The following SLIT3 variants were observed in gnomAD, a reference collection of about 807,000 sequenced individuals.
SLIT3 encodes the protein slit homolog 3 protein.
SLIT3 carries 68 observed loss-of-function variants against 184.0 expected under a neutral mutation model. The ratio of observed to expected loss-of-function variants is 0.37; its 90% CI spans 0.30 to 0.45. SLIT3 has a LOEUF of 0.45. Ranked by LOEUF, SLIT3 falls within the 20% of genes least tolerant of loss-of-function variation. The probability of loss-of-function intolerance (pLI) is 1.00; values close to 1 mark genes in which losing one functional copy is unlikely to be tolerated. For synonymous variants in SLIT3, 831 were observed against 828.6 expected (o/e 1.00, Z -0.05); for missense variants, 1,707 against 2,026.0 (o/e 0.84, Z 3.02).
chr5:169,238,997 T>C (rs1443779060), intron 3 of SLIT3, among the ~76,000 whole-genome samples: 1 of 152,174 alleles, frequency 6.6e-6, no homozygotes, highest in Non-Finnish European at 1.5e-5. Flanking sequence ...TTCCCTCTGC[T>C]TTCTCCCACA....
chr5:168,753,062 A>G lies in SLIT3; in HGVS notation c.1866T>C (p.Asn622=), dbSNP rs1223254867. ...LRSNLIGCVS[N]DTFAGLSSVR... is the part of the protein sequence containing the mutation. ...CCGAACTCAGGCCGGCAAAGGTGTC[A>G]TTACTCACACAGCCGATCAAGTTAC... Residue 622 remains asparagine (N), a synonymous_variant, in exon 18 of 36, where the codon AAT becomes AAC. Coordinates refer to ENST00000519560, the MANE Select transcript of SLIT3 (RefSeq NM_003062.4). The G allele has an allele frequency of 1.9e-6, 3 of 1,614,108 alleles. No individual in the cohort carries two copies. In the Admixed American group the frequency reaches 5.0e-5, roughly 27 times the overall value.
chr5:168,684,734 C>T (rs746768752), intron 31 of SLIT3, among the ~76,000 whole-genome samples: 9 of 151,988 alleles, frequency 5.9e-5, no homozygotes, highest in East Asian at 5.8e-4. Context: ...CCTCCCAAAG[C>T]GCTGGGCTTA....
intron 4 of SLIT3, among the ~76,000 whole-genome samples, chr5:168,960,981 T>A (rs1762984751): frequency 2.0e-5 from 3 of 152,246 alleles, no homozygotes; most frequent in African/African-American, 7.2e-5. Flanking sequence ...ACTGTAAAGA[T>A]GGCTAGTAAT....
At chr5:169,207,055 T>TG (rs1764094604) in intron 3 of SLIT3, among the ~76,000 whole-genome samples, 1 of 151,742 alleles carries the variant, frequency 6.6e-6, no homozygotes, top group Non-Finnish European at 1.5e-5. Context: ...CTTTTTTTTT[T>TG]TTTAATGCTT....
At chr5:168,783,190 T>C (rs1369393614) in intron 12 of SLIT3, among the ~76,000 whole-genome samples, 2 of 152,022 alleles carry the variant, frequency 1.3e-5, no homozygotes, top group African/African-American at 4.8e-5. Flanking sequence ...AGGGGGTAAC[T>C]TGTGAGGCTC....
chr5:169,056,976 C>A (rs1055417833), intron 4 of SLIT3, among the ~76,000 whole-genome samples: 2 of 152,224 alleles, frequency 1.3e-5, no homozygotes, highest in Non-Finnish European at 2.9e-5. Context: ...AAAATGCTAT[C>A]TGCCTTACCT....
At chr5:169,100,205 G>A (rs981102268) in intron 4 of SLIT3, among the ~76,000 whole-genome samples, 4 of 152,208 alleles carry the variant, frequency 2.6e-5, no homozygotes, top group African/African-American at 9.6e-5. Context: ...AAGAGCCTAG[G>A]AAGAATGGTG....
chr5:169,298,902 A>T (rs1767595305), intron 1 of SLIT3, among the ~76,000 whole-genome samples: 1 of 152,210 alleles, frequency 6.6e-6, no homozygotes, highest in Admixed American at 6.5e-5. Flanking sequence ...TTTATCAAAC[A>T]TTAGCTATAA....
chr5:169,031,762 G>C (rs1356801996), intron 4 of SLIT3, among the ~76,000 whole-genome samples: 1 of 152,216 alleles, frequency 6.6e-6, no homozygotes, highest in Non-Finnish European at 1.5e-5. Context: ...ACTTAAGTAA[G>C]AGGTATCATG....
At chr5:168,809,768 C>A (rs748191436) in intron 8 of SLIT3, among the ~76,000 whole-genome samples, 1 of 152,194 alleles carries the variant, frequency 6.6e-6, no homozygotes, top group African/African-American at 2.4e-5. Context: ...TAAGGACACT[C>A]GCCCAGAAGC....
At chr5:169,261,326 A>C (rs113083940) in intron 1 of SLIT3, among the ~76,000 whole-genome samples, 29 of 23,400 alleles carry the variant, frequency 1.2e-3, no homozygotes, top group African/African-American at 9.8e-3. Flanking sequence ...AACAAAAAAC[A>C]AAAAAAAACC....
chr5:168,878,717 CTTT>C (rs35132944), intron 5 of SLIT3, among the ~76,000 whole-genome samples: 7 of 140,756 alleles, frequency 5.0e-5, no homozygotes, highest in African/African-American at 1.0e-4. Flanking sequence ...CAGTTTCTTC[CTTT>C]TTTTTTTTTT....
chr5:169,043,906 C>T (rs1463113954), intron 4 of SLIT3, among the ~76,000 whole-genome samples: 1 of 152,202 alleles, frequency 6.6e-6, no homozygotes, highest in Non-Finnish European at 1.5e-5. Flanking sequence ...CTGGTCAAGT[C>T]AACAGTAAGA....
intron 4 of SLIT3, among the ~76,000 whole-genome samples, chr5:169,179,500 C>T (rs966733634): frequency 3.2e-4 from 48 of 152,130 alleles, no homozygotes; most frequent in Non-Finnish European, 5.9e-4. Context: ...TTTGAAACTG[C>T]ATCAAAAACA....
At chr5:168,842,468 C>CATTTTTTTTT (rs1561962519) in intron 6 of SLIT3, among the ~76,000 whole-genome samples, 1 of 61,320 alleles carries the variant, frequency 1.6e-5, no homozygotes, top group African/African-American at 1.2e-4. Context: ...ACCGTTTTTT[C>CATTTTTTTTT]GTTTTTTTTT....
intron 34 of SLIT3, among the ~76,000 whole-genome samples, chr5:168,670,450 G>A (rs1376797145): frequency 6.6e-6 from 1 of 152,072 alleles, no homozygotes; most frequent in Non-Finnish European, 1.5e-5. Context: ...CTTGTCTGCT[G>A]CTCCTATGCA....
At chr5:168,885,944 C>T (rs569494101) in intron 4 of SLIT3, among the ~76,000 whole-genome samples, 1 of 152,314 alleles carries the variant, frequency 6.6e-6, no homozygotes, top group South Asian at 2.1e-4. Context: ...ACCTCCCACA[C>T]AGGCAAAATC....
In SLIT3 at chr5:168,788,794, C is replaced by A. The variant is rs573511477; in HGVS notation, c.1079+766G>T. Among the ~76,000 whole-genome samples, 11 of 151,932 alleles carry A rather than the reference C, an allele frequency of 7.2e-5. No homozygotes were observed. In the East Asian group the frequency reaches 1.7e-3, roughly 24 times the overall value. On this transcript the variant is annotated intron_variant, in intron 11 of 35. Coordinates refer to ENST00000519560, the MANE Select transcript of SLIT3 (RefSeq NM_003062.4). ...AACTTGACAGACTCCTAGAACAGTA[C>A]CTGGTACCCAGTCAATGCTCAGTAA...
rs368828036 is a variant in SLIT3 at position 168,722,963 on chromosome 5, G to T, written c.2381C>A (p.Thr794Asn). The T allele has an allele frequency of 2.5e-6, 4 of 1,613,734 alleles. No individual in the cohort carries two copies. Among genetic ancestry groups the T allele is most frequent in the Non-Finnish European group, 3.4e-6 (4 of 1,179,760 alleles). Reference sequence around the variant, plus strand: ...GGAGAGGTGAGACATGTTACTGAAGGTGTAATTGGTCAGCATGCTGATGCT... The same window carrying T: ...GGAGAGGTGAGACATGTTACTGAAGTTGTAATTGGTCAGCATGCTGATGCT... ...NNSISMLTNYTFSNMSHLSTL... is the reference protein window; with the variant it reads ...NNSISMLTNYNFSNMSHLSTL... Residue 794 changes from threonine to asparagine, a missense_variant, in exon 22 of 36, where the codon ACC becomes AAC. Coordinates refer to ENST00000519560, the MANE Select transcript of SLIT3 (RefSeq NM_003062.4).
Sources: allele counts gnomAD v4.1 joint callset (sites outside exome capture counted in the v4.1 genomes callset), GRCh38; gene constraint gnomAD v4.1.1; transcripts MANE v1.5; gene names NCBI Gene and HGNC (gene_info 2026-07-23, HGNC 2026-07-21).